SDK2: variants seen among roughly 807,000 people sequenced by gnomAD.
SDK2 encodes sidekick cell adhesion molecule 2.
In SDK2, 105 loss-of-function variants were observed where a neutral mutation model predicts 253.9. That is an observed-to-expected ratio of 0.41 (90% CI 0.35 to 0.49). SDK2 has a LOEUF of 0.49. SDK2 is among the 20% of genes least tolerant of loss of function. The pLI is 0.06. For synonymous variants in SDK2, 1,249 were observed against 1,234.9 expected, an observed-to-expected ratio of 1.01 and a Z score of -0.24; for missense variants, 2,608 against 3,003.0, an observed-to-expected ratio of 0.87 and a Z score of 3.07.
In SDK2 at chr17:73,508,604, G is replaced by A. The variant is rs374396735; in HGVS notation, c.65-1007C>T. 7.6e-4 allele frequency among the ~76,000 whole-genome samples: 116 copies of A among 152,324 alleles called. 1 individual carries two copies. In the South Asian group the frequency reaches 0.023, roughly 30 times the overall value. On this transcript the variant is annotated intron_variant, in intron 1 of 44. Coordinates refer to ENST00000392650, the MANE Select transcript of SDK2 (RefSeq NM_001144952.2). ...TGCTCTGTTCCGGGCTGTTCTAGGG[G>A]CTCTACCATATGCTCGTCTAATCTT...
chr17:73,350,548 C>G, intron 42 of SDK2, 102 bp downstream of exon 42: 1 of 1,431,094 alleles, frequency 7.0e-7, no homozygotes, highest in Non-Finnish European at 9.4e-7. Context: ...AGCAGGTGCG[C>G]TGCCAGGAGC....
chr17:73,427,009 C>T (rs1490078945), intron 12 of SDK2, among the ~76,000 whole-genome samples: 2 of 151,936 alleles, frequency 1.3e-5, no homozygotes, highest in Non-Finnish European at 2.9e-5. Flanking sequence ...GGCGTGAACC[C>T]GGGAGGCAGA....
chr17:73,473,664 G>A (rs569308056), intron 2 of SDK2, among the ~76,000 whole-genome samples: 1 of 152,176 alleles, frequency 6.6e-6, no homozygotes, highest in Admixed American at 6.5e-5. Flanking sequence ...CCCTTCCGGA[G>A]CACCATCTCT....
At chr17:73,617,015 T>C (rs986386083) in intron 1 of SDK2, among the ~76,000 whole-genome samples, 2 of 152,020 alleles carry the variant, frequency 1.3e-5, no homozygotes, top group Non-Finnish European at 2.9e-5. Context: ...CACATGTTTA[T>C]TGAATGAATG....
At position 73,639,443 on chromosome 17, in the gene SDK2, GGGGC is replaced by G. The variant is rs2046370530; in HGVS notation, c.64+4578_64+4581del. Among the ~76,000 whole-genome samples, 2 of 152,196 alleles carry G rather than the reference GGGGC, an allele frequency of 1.3e-5. No homozygotes were observed. The highest frequency in any genetic ancestry group is 4.8e-5 in the African/African-American group (2 of 41,438). Reference sequence around the variant, plus strand: ...AGCAGGGGTGGGACACCTAGGGGAGGGGGCACCCGGGGTGTCTCGGCAACCAGCT... The same window carrying G: ...AGCAGGGGTGGGACACCTAGGGGAGGACCCGGGGTGTCTCGGCAACCAGCT... On this transcript the variant is annotated intron_variant, in intron 1 of 44. Transcript: ENST00000392650. This position sits in a 1 kb window ranked among gnomAD's most constrained non-coding sequence, Gnocchi z 4.3.
intron 37 of SDK2, among the ~76,000 whole-genome samples, chr17:73,365,801 C>T (rs1316645804): frequency 6.6e-6 from 1 of 152,006 alleles, no homozygotes; most frequent in Non-Finnish European, 1.5e-5. Flanking sequence ...GGTGTCTGGG[C>T]CTCAGAATAT....
rs2046406571 is a variant in SDK2, at chr17:73,642,132, C to G, written c.64+1893G>C. ...AGGAGGCGCAGGGACAGGGGGCCAC[C>G]TGGCCTTAACTTCAGCAGGAGGGGT... On this transcript the variant is annotated intron_variant, in intron 1 of 44. Coordinates refer to ENST00000392650, the MANE Select transcript of SDK2 (RefSeq NM_001144952.2). The surrounding 1 kb of genome is among the most constrained non-coding windows in gnomAD (Gnocchi z 4.7). 6.6e-6 allele frequency among the ~76,000 whole-genome samples: 1 copy of G among 152,194 alleles called. No individual in the cohort carries two copies. The highest frequency in any genetic ancestry group is 2.1e-4 in the South Asian group (1 of 4,830).
chr17:73,352,364 G>C lies in SDK2; in HGVS notation c.5758+109C>G. 1 of 1,350,618 alleles carries C rather than the reference G, an allele frequency of 7.4e-7. No homozygotes were observed. The highest frequency in any genetic ancestry group is 2.2e-5 in the Admixed American group (1 of 45,258). 83.7% of individuals were successfully genotyped at this position (1,350,618 alleles called of 1,614,324 possible). Reference sequence around the variant, plus strand: ...GAGGGGACAATGTGTTTTTGTTCCCGCCCCATGCTCCTGGTGCCCTGGTGC... The same window carrying C: ...GAGGGGACAATGTGTTTTTGTTCCCCCCCCATGCTCCTGGTGCCCTGGTGC... On this transcript the variant is annotated intron_variant, in intron 41 of 44. Transcript: ENST00000392650. This position sits in a 1 kb window ranked among gnomAD's most constrained non-coding sequence, Gnocchi z 4.1.
intron 40 of SDK2, among the ~76,000 whole-genome samples, chr17:73,355,174 A>ATTTTTTTTTTTTTTTTTTTTTTT (rs770032791): frequency 2.1e-5 from 1 of 47,224 alleles, no homozygotes; most frequent in Non-Finnish European, 3.4e-5. Context: ...ATATATATAT[A>ATTTTTTTTTTTTTTTTTTTTTTT]TTTTTTTTTT....
chr17:73,397,664 C>A (rs2062982686), intron 24 of SDK2, among the ~76,000 whole-genome samples: 1 of 152,320 alleles, frequency 6.6e-6, no homozygotes, highest in Non-Finnish European at 1.5e-5. Flanking sequence ...GGCACTTGAA[C>A]CCCAGACCCG....
At chr17:73,427,642 CAAA>C (rs9302965) in intron 12 of SDK2, among the ~76,000 whole-genome samples, 3,988 of 105,798 alleles carry the variant, frequency 0.038, 199 homozygotes, top group African/African-American at 0.13. Context: ...CATCCACATG[CAAA>C]AAAAAAAAAA....
chr17:73,451,677 G>T (rs531335160), intron 4 of SDK2, among the ~76,000 whole-genome samples: 3 of 152,170 alleles, frequency 2.0e-5, no homozygotes, highest in Non-Finnish European at 4.4e-5. Flanking sequence ...GGAACAGGAG[G>T]CAGAGATACC....
chr17:73,432,426 C>T (rs1434235575), intron 10 of SDK2, among the ~76,000 whole-genome samples: 2 of 152,162 alleles, frequency 1.3e-5, no homozygotes, highest in Non-Finnish European at 2.9e-5. Context: ...TGCGTGCAGG[C>T]ACAGTGAACT....
At chr17:73,510,512 G>A (rs1000758249) in intron 1 of SDK2, among the ~76,000 whole-genome samples, 1 of 152,054 alleles carries the variant, frequency 6.6e-6, no homozygotes, top group African/African-American at 2.4e-5. Context: ...GTTTCATTTT[G>A]TTTTGGAGAC....
intron 1 of SDK2, among the ~76,000 whole-genome samples, chr17:73,582,997 G>A (rs1464877014): frequency 6.6e-6 from 1 of 152,110 alleles, no homozygotes; most frequent in Non-Finnish European, 1.5e-5. Flanking sequence ...CCTTTACACA[G>A]CCCGCCTCCT....
chr17:73,471,250 C>T (rs1002086374), intron 3 of SDK2, among the ~76,000 whole-genome samples: 13 of 152,126 alleles, frequency 8.5e-5, no homozygotes, highest in African/African-American at 2.9e-4. Context: ...CCCGGAAGAT[C>T]ACGGAGACCC....
At chr17:73,478,021 A>G (rs143899121) in intron 2 of SDK2, among the ~76,000 whole-genome samples, 148 of 152,284 alleles carry the variant, frequency 9.7e-4, no homozygotes, top group Non-Finnish European at 1.6e-3. Context: ...AAATTCAAAG[A>G]AAAGAAAAAG....
rs748394231 is a variant in SDK2 at position 73,629,840 on chromosome 17, C to T, written c.64+14185G>A. Among the ~76,000 whole-genome samples the T allele has an allele frequency of 6.6e-6, 1 of 152,150 alleles. No individual in the cohort carries two copies. Among genetic ancestry groups the T allele is most frequent in the Non-Finnish European group, 1.5e-5 (1 of 68,040 alleles). On this transcript the variant is annotated intron_variant, in intron 1 of 44. Transcript: ENST00000392650. The surrounding 1 kb of genome is among the most constrained non-coding windows in gnomAD (Gnocchi z 5.0). ...GTTCATGGTTTTGGTTATCCATTGGCTCATGGGGGTTACTTTGGAGCTTCT... is the reference window on the plus strand; with the variant it reads ...GTTCATGGTTTTGGTTATCCATTGGTTCATGGGGGTTACTTTGGAGCTTCT...
At chr17:73,525,546 G>C (rs2064119028) in intron 1 of SDK2, among the ~76,000 whole-genome samples, 1 of 152,228 alleles carries the variant, frequency 6.6e-6, no homozygotes, top group African/African-American at 2.4e-5. Context: ...ATGGGGGAAA[G>C]AATGGGAACC....
Sources: gnomAD v4.1 joint callset for allele counts (sites outside exome capture counted in the v4.1 genomes callset) on GRCh38, gnomAD v4.1.1 for gene constraint, Gnocchi (gnomAD v3.1) non-coding constraint, MANE v1.5 for transcripts, NCBI Gene and HGNC (gene_info 2026-07-23, HGNC 2026-07-21) for gene names.